The following IL1RAPL1 variants were observed in gnomAD, a reference collection of about 807,000 sequenced individuals.
IL1RAPL1 encodes the protein interleukin 1 receptor accessory protein like 1.
In IL1RAPL1, 3 loss-of-function variants were observed where a neutral mutation model predicts 48.4. The observed-to-expected ratio is 0.06, with a 90% confidence interval of 0.03 to 0.16. IL1RAPL1 has a LOEUF of 0.16. IL1RAPL1 is among the 10% of genes least tolerant of loss of function. The pLI, the probability that IL1RAPL1 is intolerant of heterozygous loss-of-function variation, is 1.00. For synonymous variants in IL1RAPL1, 185 were observed against 187.7 expected, an observed-to-expected ratio of 0.99 and a Z score of 0.12; for missense variants, 349 against 530.6, an observed-to-expected ratio of 0.66 and a Z score of 3.36.
At chrX:29,069,631 AC>A (rs1927521308) in intron 2 of IL1RAPL1, among the ~76,000 whole-genome samples, 1 of 89,851 alleles carries the variant, frequency 1.1e-5, no homozygotes. Context: ...CCTATAGAAC[AC>A]ACACACACAC....
intron 2 of IL1RAPL1, among the ~76,000 whole-genome samples, chrX:28,916,413 C>T (rs1923491091): frequency 8.9e-6 from 1 of 111,967 alleles, no homozygotes; most frequent in African/African-American, 3.2e-5. Context: ...GTCACATCTT[C>T]ATTTGGGTTT....
intron 5 of IL1RAPL1, among the ~76,000 whole-genome samples, chrX:29,462,234 A>G (rs770843341): frequency 2.7e-5 from 3 of 111,531 alleles, no homozygotes; most frequent in Non-Finnish European, 5.6e-5. Context: ...CAGTGAAACT[A>G]TGTTCATAGT....
At chrX:29,050,753 G>A (rs1035227618) in intron 2 of IL1RAPL1, among the ~76,000 whole-genome samples, 80 of 112,206 alleles carry the variant, frequency 7.1e-4, no homozygotes, top group African/African-American at 2.2e-3. Context: ...TTACGGGCTC[G>A]TTGATTCTGC....
intron 5 of IL1RAPL1, among the ~76,000 whole-genome samples, chrX:29,419,115 A>G (rs1279719632): frequency 8.9e-6 from 1 of 112,061 alleles, no homozygotes; most frequent in African/African-American, 3.2e-5. Flanking sequence ...TGGAAATAAT[A>G]CAGTGAAGTA....
chrX:29,876,138 C>A (rs985893732), intron 6 of IL1RAPL1, among the ~76,000 whole-genome samples: 1 of 111,591 alleles, frequency 9.0e-6, no homozygotes, highest in Non-Finnish European at 1.9e-5. Flanking sequence ...TTGATAGAGT[C>A]TAATGTGTCA....
chrX:29,536,122 C>T (rs1921224847), intron 5 of IL1RAPL1, among the ~76,000 whole-genome samples: 1 of 111,764 alleles, frequency 8.9e-6, no homozygotes, highest in African/African-American at 3.3e-5. Flanking sequence ...TCAGTCCCTG[C>T]TTTTTAGGAA....
chrX:29,623,954 C>T lies in IL1RAPL1; in HGVS notation c.704-44476C>T, dbSNP rs149181924. Among the ~76,000 whole-genome samples the T allele has an allele frequency of 2.7e-5, 3 of 111,808 alleles. No individual in the cohort carries two copies. The Admixed American group carries it at 2.9e-4, about 11-fold the overall frequency. On this transcript the variant is annotated intron_variant, in intron 5 of 10. Transcript: ENST00000378993. ...CCCCCATAGTTAGCTGGAGCTTGGA[C>T]ATATTAGGAAGTCAATAAGAATACT...
chrX:29,512,982 A>G (rs1318359519), intron 5 of IL1RAPL1, among the ~76,000 whole-genome samples: 1 of 112,071 alleles, frequency 8.9e-6, no homozygotes, highest in Non-Finnish European at 1.9e-5. Flanking sequence ...ACATAAAATA[A>G]ATAATGGTTT....
At chrX:28,787,510 G>C (rs1253474116) in intron 1 of IL1RAPL1, among the ~76,000 whole-genome samples, 2 of 111,514 alleles carry the variant, frequency 1.8e-5, no homozygotes, top group African/African-American at 6.5e-5. Context: ...TAAACTTAAG[G>C]TCTTTGGATA....
intron 5 of IL1RAPL1, among the ~76,000 whole-genome samples, chrX:29,572,596 T>G (rs1037130677): frequency 2.3e-4 from 26 of 112,433 alleles, no homozygotes; most frequent in Non-Finnish European, 4.1e-4. Context: ...TTTTCCAGCA[T>G]CTTCTAGATT....
intron 6 of IL1RAPL1, among the ~76,000 whole-genome samples, chrX:29,801,076 A>C (rs867605604): frequency 0.025 from 2,175 of 86,845 alleles, 195 homozygotes; most frequent in African/African-American, 0.12. Flanking sequence ...AAAAAAAAAA[A>C]AAAACTCATC....
At chrX:29,803,455 G>T (rs1386273281) in intron 6 of IL1RAPL1, among the ~76,000 whole-genome samples, 2 of 87,747 alleles carry the variant, frequency 2.3e-5, no homozygotes, top group African/African-American at 4.0e-5. Flanking sequence ...ATATATGTGT[G>T]TATATATGTA....
intron 5 of IL1RAPL1, among the ~76,000 whole-genome samples, chrX:29,593,430 C>T (rs939371687): frequency 1.1e-4 from 12 of 111,895 alleles, no homozygotes; most frequent in Non-Finnish European, 2.3e-4. Context: ...GAAAACTTTG[C>T]CTTGTATAGA....
At chrX:29,733,449 G>A (rs781159325) in intron 6 of IL1RAPL1, among the ~76,000 whole-genome samples, 1 of 111,816 alleles carries the variant, frequency 8.9e-6, no homozygotes, top group Admixed American at 9.5e-5. Context: ...TTACTTAATT[G>A]GAGTTCTGTT....
Position 29,377,614 on chromosome X carries a change from T to G in IL1RAPL1, c.363-18644T>G, listed in dbSNP as rs151269622. Among the ~76,000 whole-genome samples, 522 of 112,313 alleles carry G rather than the reference T, an allele frequency of 4.6e-3. 3 individuals are homozygous for G. The highest frequency in any genetic ancestry group is 0.016 in the African/African-American group (491 of 30,963). On this transcript the variant is annotated intron_variant, in intron 3 of 10. Transcript: ENST00000378993. ...AAAGATCTTTTTTCTCCTTCACTTA[T>G]GAAGCTTAATTTGGTAAGATATAAA... is the stretch of plus-strand genomic sequence containing the variant.
chrX:28,975,441 A>G (rs911692302), intron 2 of IL1RAPL1, among the ~76,000 whole-genome samples: 2 of 112,408 alleles, frequency 1.8e-5, no homozygotes, highest in Non-Finnish European at 3.8e-5. Context: ...TAGCTCTAGT[A>G]CAAAACCTGG....
intron 5 of IL1RAPL1, among the ~76,000 whole-genome samples, chrX:29,612,454 A>G (rs1924127660): frequency 9.0e-6 from 1 of 111,037 alleles, no homozygotes; most frequent in South Asian, 3.8e-4. Flanking sequence ...GAAAGAGCAC[A>G]GGAGAAAGGA....
chrX:29,897,695 G>A (rs748615165), intron 6 of IL1RAPL1, among the ~76,000 whole-genome samples: 1 of 111,488 alleles, frequency 9.0e-6, no homozygotes, highest in African/African-American at 3.3e-5. Context: ...CGATGAGAAA[G>A]GTGTCTCTTC....
chrX:28,773,064 TC>T lies in IL1RAPL1; in HGVS notation c.-24-16255del. Reference sequence around the variant, plus strand: ...AATAATCCTTTTTTCTTATAATATCTCTCTCTCTCTCTCTCTCTCACTTTGA... The same window carrying T: ...AATAATCCTTTTTTCTTATAATATCTTCTCTCTCTCTCTCTCTCACTTTGA... On this transcript the variant is annotated intron_variant, in intron 1 of 10. Coordinates refer to ENST00000378993, the MANE Select transcript of IL1RAPL1 (RefSeq NM_014271.4). Among the ~76,000 whole-genome samples the T allele has an allele frequency of 2.0e-5, 2 of 102,430 alleles. 1 individual carries two copies. Among genetic ancestry groups the T allele is most frequent in the African/African-American group, 7.8e-5 (2 of 25,767 alleles). The allele number at this position is 102,430 out of a possible 115,157, so 88.9% of individuals were successfully genotyped here. A position where few individuals can be genotyped will look rare whatever the true frequency, so the allele number is the denominator to read the frequency against.
Sources: gnomAD v4.1 joint callset for allele counts (sites outside exome capture counted in the v4.1 genomes callset) on GRCh38, gnomAD v4.1.1 for gene constraint, MANE v1.5 for transcripts, NCBI Gene and HGNC (gene_info 2026-07-23, HGNC 2026-07-21) for gene names.